BTBD9: variants seen among roughly 807,000 people sequenced by gnomAD.
BTBD9 encodes BTB domain containing 9.
BTBD9 carries 49 observed loss-of-function variants against 64.3 expected under a neutral mutation model. The observed-to-expected ratio is 0.76, with a 90% CI of 0.61 to 0.97. The LOEUF is 0.97. BTBD9 is among the 50% of genes least tolerant of loss of function. The probability of loss-of-function intolerance (pLI) is 0.00; values close to 1 mark genes in which losing one functional copy is unlikely to be tolerated. For missense variants in BTBD9, 598 were observed against 762.1 expected, an observed-to-expected ratio of 0.78 and a Z score of 2.53; for synonymous variants, 260 against 274.7, an observed-to-expected ratio of 0.95 and a Z score of 0.53.
intron 7 of BTBD9, among the ~76,000 whole-genome samples, chr6:38,293,331 A>G (rs1762031899): frequency 1.3e-5 from 2 of 152,222 alleles, no homozygotes; most frequent in Admixed American, 1.3e-4. Flanking sequence ...TAAATTTCAC[A>G]TGGAACCAAA....
rs79539406 is a variant in BTBD9 at position 38,351,504 on chromosome 6, G to GTTTTTTTTT, written c.1155-6412_1155-6411insAAAAAAAAA. 6.3e-4 allele frequency among the ~76,000 whole-genome samples: 61 copies of GTTTTTTTTT among 96,674 alleles called. 3 individuals carry two copies. The highest frequency in any genetic ancestry group is 7.7e-4 in the Non-Finnish European group (38 of 49,644). 63.4% of individuals were successfully genotyped at this position (96,674 alleles called of 152,430 possible). On this transcript the variant is annotated intron_variant, in intron 6 of 10. Transcript: ENST00000481247. Reference sequence around the variant, plus strand: ...TACTAAAGACAAATATTTAATTGTTGTTGTTTTTTTTTTTTTTTTTTTTGA... The same window carrying GTTTTTTTTT: ...TACTAAAGACAAATATTTAATTGTTGTTTTTTTTTTTGTTTTTTTTTTTTTTTTTTTTGA...
At chr6:38,506,361 C>T (rs991897278) in intron 6 of BTBD9, among the ~76,000 whole-genome samples, 1 of 152,198 alleles carries the variant, frequency 6.6e-6, no homozygotes, top group East Asian at 1.9e-4. Context: ...TAACACAAAG[C>T]TTGATCCATA....
rs574403717 is a variant in BTBD9, at chr6:38,273,480, A to G, written c.1454+14792T>C. Among the ~76,000 whole-genome samples the G allele has an allele frequency of 6.0e-4, 91 of 152,350 alleles. 1 individual carries two copies. The highest frequency in any genetic ancestry group is 5.0e-3 in the Admixed American group (76 of 15,304). On this transcript the variant is annotated intron_variant, in intron 8 of 10. Transcript: ENST00000481247. ...AGGCCAGTGTGAAATCTCATTACAC[A>G]GTCATGCAATTCAAAAGTAGAGATA... is the stretch of plus-strand genomic sequence containing the variant.
chr6:38,396,439 C>T (rs1462054261), intron 6 of BTBD9, among the ~76,000 whole-genome samples: 2 of 152,212 alleles, frequency 1.3e-5, no homozygotes, highest in Non-Finnish European at 2.9e-5. Flanking sequence ...TGAACAGTTG[C>T]CAAGCGGTTG....
At chr6:38,564,062 G>C (rs1029699163) in intron 6 of BTBD9, among the ~76,000 whole-genome samples, 1 of 152,084 alleles carries the variant, frequency 6.6e-6, no homozygotes, top group Non-Finnish European at 1.5e-5. Flanking sequence ...GATTACAGGC[G>C]TGAGCCACCA....
chr6:38,608,574 C>CA (rs1777502930), intron 1 of BTBD9, among the ~76,000 whole-genome samples: 1 of 152,130 alleles, frequency 6.6e-6, no homozygotes, highest in South Asian at 2.1e-4. Flanking sequence ...TTCTTTGTAG[C>CA]AAAGCTACTG....
chr6:38,618,048 C>T (rs539342035), intron 1 of BTBD9, among the ~76,000 whole-genome samples: 3 of 152,314 alleles, frequency 2.0e-5, no homozygotes, highest in South Asian at 4.1e-4. Context: ...TCAGTGAGCG[C>T]AACTATTCCA....
intron 6 of BTBD9, among the ~76,000 whole-genome samples, chr6:38,346,414 C>T (rs1764277969): frequency 1.3e-5 from 2 of 152,150 alleles, no homozygotes; most frequent in South Asian, 4.2e-4. Flanking sequence ...AAGCTGATCA[C>T]TCACCTTTAT....
chr6:38,347,930 G>C (rs571204507), intron 6 of BTBD9, among the ~76,000 whole-genome samples: 1 of 152,366 alleles, frequency 6.6e-6, no homozygotes, highest in Admixed American at 6.5e-5. Context: ...CTGGGAGGCA[G>C]AGGTTGCAGT....
chr6:38,176,994 T>C (rs1761292008), intron 10 of BTBD9, among the ~76,000 whole-genome samples: 1 of 152,200 alleles, frequency 6.6e-6, no homozygotes, highest in Non-Finnish European at 1.5e-5. Flanking sequence ...GCCTTCTCTT[T>C]TGCAGTATGA....
intron 7 of BTBD9, among the ~76,000 whole-genome samples, chr6:38,307,126 C>T (rs1762654727): frequency 6.6e-6 from 1 of 152,154 alleles, no homozygotes; most frequent in Non-Finnish European, 1.5e-5. Context: ...GGCCTAGCCC[C>T]AGGCCTACAC....
At chr6:38,404,790 G>T (rs1767093484) in intron 6 of BTBD9, among the ~76,000 whole-genome samples, 1 of 152,156 alleles carries the variant, frequency 6.6e-6, no homozygotes, top group Admixed American at 6.5e-5. Context: ...AAATTAGGAT[G>T]GTTTCACTCC....
intron 4 of BTBD9, among the ~76,000 whole-genome samples, chr6:38,585,127 T>C (rs1350864703): frequency 6.6e-6 from 1 of 151,928 alleles, no homozygotes; most frequent in Non-Finnish European, 1.5e-5. Context: ...GAGCTCACCA[T>C]CTCAGGAGAC....
chr6:38,260,406 A>G (rs1764749776), intron 8 of BTBD9, among the ~76,000 whole-genome samples: 1 of 152,222 alleles, frequency 6.6e-6, no homozygotes, highest in South Asian at 2.1e-4. Context: ...CTTCTAGATA[A>G]TCATAAGCTA....
At chr6:38,205,388 G>A (rs1303736312) in intron 9 of BTBD9, among the ~76,000 whole-genome samples, 5 of 151,992 alleles carry the variant, frequency 3.3e-5, no homozygotes, top group Admixed American at 6.5e-5. Context: ...CAACACTGGG[G>A]GTGAGAAGAT....
rs1766920787 is a variant in BTBD9, at chr6:38,174,678, A to T, written c.*307T>A. On this transcript the variant is annotated 3_prime_UTR_variant, in exon 11 of 11. Coordinates refer to ENST00000481247, the MANE Select transcript of BTBD9 (RefSeq NM_001099272.2). Reference sequence around the variant, plus strand: ...GTATTCCAACACAGGCCTGTCTATGACTTCCTCCTGTTCCCTGCGCCTGGG... The same window carrying T: ...GTATTCCAACACAGGCCTGTCTATGTCTTCCTCCTGTTCCCTGCGCCTGGG... 2.6e-6 allele frequency: 1 copy of T among 378,076 alleles called. No homozygotes were observed. Among genetic ancestry groups the T allele is most frequent in the African/African-American group, 2.0e-5 (1 of 49,738 alleles). 23.4% of individuals were successfully genotyped at this position (378,076 alleles called of 1,614,324 possible). A position where few individuals can be genotyped will look rare whatever the true frequency, so the allele number is the denominator to read the frequency against.
intron 6 of BTBD9, among the ~76,000 whole-genome samples, chr6:38,394,101 G>A (rs1014211064): frequency 1.1e-4 from 16 of 152,134 alleles, no homozygotes; most frequent in African/African-American, 3.9e-4. Flanking sequence ...CCTATGATGT[G>A]TTGTCAAGTA....
chr6:38,255,931 G>T (rs900401372), intron 9 of BTBD9, among the ~76,000 whole-genome samples: 10 of 152,094 alleles, frequency 6.6e-5, no homozygotes, highest in African/African-American at 1.4e-4. Flanking sequence ...GGTTGGGGGG[G>T]TAGGAGAGGG....
chr6:38,476,047 C>A (rs555348872), intron 6 of BTBD9, among the ~76,000 whole-genome samples: 32 of 152,288 alleles, frequency 2.1e-4, no homozygotes, highest in African/African-American at 5.8e-4. Context: ...TCCTGAATGT[C>A]CATTTGGCAG....
Sources: allele counts gnomAD v4.1 joint callset (sites outside exome capture counted in the v4.1 genomes callset), GRCh38; gene constraint gnomAD v4.1.1; transcripts MANE v1.5; gene names NCBI Gene and HGNC (gene_info 2026-07-23, HGNC 2026-07-21).